Variants in THSD7B observed in about 807,000 individuals in gnomAD.
THSD7B encodes the protein thrombospondin type-1 domain-containing protein 7B.
THSD7B carries 138 observed loss-of-function variants against 213.6 expected under a neutral mutation model. The ratio of observed to expected loss-of-function variants is 0.65; its 90% confidence interval spans 0.56 to 0.74. THSD7B has a LOEUF of 0.74. Among genes scored for constraint, THSD7B ranks in the 30% least tolerant of loss-of-function variants. THSD7B has a pLI of 0.00. For synonymous variants in THSD7B, 742 were observed against 687.0 expected (o/e 1.08, Z -1.25); for missense variants, 1,931 against 1,991.5 (o/e 0.97, Z 0.58).
chr2:136,969,819 C>T (rs1281424969), intron 2 of THSD7B, among the ~76,000 whole-genome samples: 2 of 152,130 alleles, frequency 1.3e-5, no homozygotes, highest in African/African-American at 4.8e-5. Flanking sequence ...GTGAAGCCCA[C>T]CTGTTGACAA....
chr2:137,168,826 T>C (rs1299600435), intron 6 of THSD7B, among the ~76,000 whole-genome samples: 2 of 151,754 alleles, frequency 1.3e-5, no homozygotes, highest in East Asian at 3.9e-4. Context: ...AGAATAGAGG[T>C]CATTCGAGTT....
chr2:137,496,175 G>A (rs1679560571), intron 15 of THSD7B, among the ~76,000 whole-genome samples: 1 of 152,102 alleles, frequency 6.6e-6, no homozygotes, highest in Non-Finnish European at 1.5e-5. Flanking sequence ...CATTTTTAAA[G>A]CTACCAAAGA....
intron 1 of THSD7B, among the ~76,000 whole-genome samples, chr2:136,860,107 T>C (rs1054845196): frequency 1.2e-4 from 17 of 146,142 alleles, no homozygotes; most frequent in African/African-American, 4.3e-4. Context: ...AAGCTCTGCC[T>C]CCCGGGTTCA....
At position 136,810,546 on chromosome 2, in the gene THSD7B, A is replaced by G. The variant is rs547086125; in HGVS notation, c.-36+44859A>G. 6.6e-5 allele frequency among the ~76,000 whole-genome samples: 10 copies of G among 152,282 alleles called. No individual in the cohort carries two copies. The South Asian group carries it at 1.9e-3, about 28-fold the overall frequency. On this transcript the variant is annotated intron_variant, in intron 1 of 27. Transcript: ENST00000409968. The stretch of plus-strand genomic sequence containing the variant: ...ACATCATACATTCTGCAGTGCTGAA[A>G]TGGTGTGCTTTCTCTGAGAAAGTCT...
At chr2:137,171,479 T>C (rs1201170779) in intron 7 of THSD7B, among the ~76,000 whole-genome samples, 1 of 152,212 alleles carries the variant, frequency 6.6e-6, no homozygotes, top group Non-Finnish European at 1.5e-5. Context: ...TACAAAACTA[T>C]TAACAATGAT....
rs149549871 is a variant in THSD7B at position 137,218,071 on chromosome 2, A to C, written c.1724-12973A>C. 5.7e-3 allele frequency among the ~76,000 whole-genome samples: 861 copies of C among 152,310 alleles called. 9 individuals are homozygous for C. The highest frequency in any genetic ancestry group is 0.01 in the Middle Eastern group (3 of 294). On this transcript the variant is annotated intron_variant, in intron 7 of 27. Transcript: ENST00000409968. ...TAATGTTCTTAAATTGCTTCCAAAT[A>C]AACTATGCCTTGCAGGCAATAATTG...
At chr2:137,131,364 G>C (rs1215012142) in intron 5 of THSD7B, among the ~76,000 whole-genome samples, 2 of 152,054 alleles carry the variant, frequency 1.3e-5, no homozygotes, top group African/African-American at 2.4e-5. Context: ...CTTTTGCTGT[G>C]CAGAAGCTCT....
rs922865872 is a variant in THSD7B at position 137,676,778 on chromosome 2, T to C, written c.*173T>C. On this transcript the variant is annotated 3_prime_UTR_variant, in exon 28 of 28. Transcript: ENST00000409968. ...CATTTGGACATGGAGTCAAGGATTATTAGGTCTGCCATTTTGTTTTCAAGT... is the reference window on the plus strand; with the variant it reads ...CATTTGGACATGGAGTCAAGGATTACTAGGTCTGCCATTTTGTTTTCAAGT... 5.6e-6 allele frequency: 3 copies of C among 536,030 alleles called. No individual in the cohort carries two copies. The African/African-American group carries it at 6.0e-5, about 11-fold the overall frequency. The allele number at this position is 536,030 out of a possible 1,614,324, so 33.2% of individuals were successfully genotyped here.
chr2:137,158,484 C>T (rs910862524), intron 5 of THSD7B, among the ~76,000 whole-genome samples: 1 of 152,180 alleles, frequency 6.6e-6, no homozygotes, highest in Non-Finnish European at 1.5e-5. Flanking sequence ...TTGCTTTGTA[C>T]TTGCCCTTTA....
chr2:137,014,268 A>T (rs143764636), intron 2 of THSD7B, among the ~76,000 whole-genome samples: 1 of 152,158 alleles, frequency 6.6e-6, no homozygotes, highest in Non-Finnish European at 1.5e-5. Context: ...CTCAGCATTC[A>T]CACGTCTCTG....
At chr2:136,979,485 C>G (rs983916044) in intron 2 of THSD7B, among the ~76,000 whole-genome samples, 1 of 152,032 alleles carries the variant, frequency 6.6e-6, no homozygotes. Context: ...GGGTTTTGTT[C>G]ATTTCTTTTT....
chr2:137,426,484 C>T (rs1687057913), intron 14 of THSD7B, among the ~76,000 whole-genome samples: 1 of 152,082 alleles, frequency 6.6e-6, no homozygotes, highest in Admixed American at 6.6e-5. Context: ...AAAACAGACA[C>T]ATAAATCAAT....
chr2:136,943,621 T>C (rs936408415), intron 2 of THSD7B, among the ~76,000 whole-genome samples: 1 of 152,236 alleles, frequency 6.6e-6, no homozygotes. Context: ...AGGGTGTATG[T>C]GTTCAGGAAT....
chr2:136,960,263 G>C (rs548069251), intron 2 of THSD7B, among the ~76,000 whole-genome samples: 37 of 152,240 alleles, frequency 2.4e-4, no homozygotes, highest in African/African-American at 7.9e-4. Flanking sequence ...GAGTAGCTGG[G>C]ACTATAGGCA....
chr2:137,010,851 T>G (rs1310085021), intron 2 of THSD7B, among the ~76,000 whole-genome samples: 2 of 152,074 alleles, frequency 1.3e-5, no homozygotes, highest in Non-Finnish European at 2.9e-5. Context: ...TCAATCAATC[T>G]CTCTCACTAT....
chr2:137,289,411 G>A (rs914497775), intron 12 of THSD7B, among the ~76,000 whole-genome samples: 6 of 151,458 alleles, frequency 4.0e-5, no homozygotes, highest in Non-Finnish European at 8.8e-5. Context: ...AAACTCATTT[G>A]CCTGTAGACT....
At chr2:137,315,241 C>T (rs933869158) in intron 12 of THSD7B, among the ~76,000 whole-genome samples, 9 of 152,216 alleles carry the variant, frequency 5.9e-5, no homozygotes, top group Non-Finnish European at 8.8e-5. Context: ...CAGAAAAGCG[C>T]AGTATTCGGG....
intron 12 of THSD7B, among the ~76,000 whole-genome samples, chr2:137,392,722 G>A (rs1686062301): frequency 6.6e-6 from 1 of 151,900 alleles, no homozygotes; most frequent in South Asian, 2.1e-4. Context: ...TATTTTAGGA[G>A]GAGCATAAAT....
At chr2:137,337,011 CCT>C (rs918177927) in intron 12 of THSD7B, among the ~76,000 whole-genome samples, 1 of 151,610 alleles carries the variant, frequency 6.6e-6, no homozygotes, top group African/African-American at 2.4e-5. Context: ...GCCACCTTTC[CCT>C]GTTGTTAACA....
Sources: gnomAD v4.1 joint callset for allele counts (sites outside exome capture counted in the v4.1 genomes callset) on GRCh38, gnomAD v4.1.1 for gene constraint, MANE v1.5 for transcripts, NCBI Gene and HGNC (gene_info 2026-07-23, HGNC 2026-07-21) for gene names.